The following CELF4 variants were observed in gnomAD, a reference collection of about 807,000 sequenced individuals.
CELF4 encodes the protein CUG-BP- and ETR-3-like factor 4.
A neutral mutation model predicts 59.9 loss-of-function variants in CELF4; 18 were observed. That is an observed-to-expected ratio of 0.30 (90% CI 0.21 to 0.45). CELF4 has a LOEUF of 0.45. Ranked by LOEUF, CELF4 falls within the 20% of genes least tolerant of loss-of-function variation. CELF4 has a pLI of 1.00. For missense variants in CELF4, 456 were observed against 689.0 expected (o/e 0.66, Z 3.79); for synonymous variants, 261 against 267.1 (o/e 0.98, Z 0.22).
intron 3 of CELF4, among the ~76,000 whole-genome samples, chr18:37,296,938 C>T (rs554294719): frequency 6.6e-6 from 1 of 152,280 alleles, no homozygotes; most frequent in South Asian, 2.1e-4. Flanking sequence ...CTTTTCCCAC[C>T]CAGAGGCCTT....
At chr18:37,535,892 T>C (rs117849219) in intron 1 of CELF4, among the ~76,000 whole-genome samples, 2,302 of 152,318 alleles carry the variant, frequency 0.015, 35 homozygotes, top group Non-Finnish European at 0.018. Flanking sequence ...TTTGGGTTCC[T>C]CTAGTCTCGA....
chr18:37,548,876 G>C (rs1006541412), intron 1 of CELF4, among the ~76,000 whole-genome samples: 1 of 152,230 alleles, frequency 6.6e-6, no homozygotes, highest in Non-Finnish European at 1.5e-5. Flanking sequence ...GCAGCAGGCA[G>C]TGTCCAAGGC....
intron 2 of CELF4, among the ~76,000 whole-genome samples, chr18:37,437,003 G>A (rs2099694793): frequency 6.6e-6 from 1 of 152,166 alleles, no homozygotes; most frequent in African/African-American, 2.4e-5. Flanking sequence ...AATGGGGGGA[G>A]CACAGGATAG....
At chr18:37,357,548 A>AG (rs1384990337) in intron 2 of CELF4, among the ~76,000 whole-genome samples, 1 of 152,180 alleles carries the variant, frequency 6.6e-6, no homozygotes, top group East Asian at 1.9e-4. Context: ...GTGGAGTCGG[A>AG]GCCTCCACAG....
At chr18:37,497,755 G>C (rs574655249) in intron 1 of CELF4, among the ~76,000 whole-genome samples, 21 of 152,206 alleles carry the variant, frequency 1.4e-4, no homozygotes, top group Non-Finnish European at 2.5e-4. Flanking sequence ...GTTTGTGCAG[G>C]GCCTATTGGT....
chr18:37,315,420 C>T (rs974774326), intron 3 of CELF4, among the ~76,000 whole-genome samples: 12 of 152,190 alleles, frequency 7.9e-5, no homozygotes, highest in African/African-American at 2.9e-4. Context: ...TTCTCCCCAG[C>T]CAGCCACCTT....
intron 2 of CELF4, among the ~76,000 whole-genome samples, chr18:37,386,167 G>C (rs917501361): frequency 6.6e-6 from 1 of 152,080 alleles, no homozygotes; most frequent in Non-Finnish European, 1.5e-5. Context: ...CACATACCCC[G>C]CTGTCCCCCT....
chr18:37,273,000 G>T lies in CELF4; in HGVS notation c.949+16C>A. On this transcript the variant is annotated intron_variant, in intron 7 of 12. Transcript: ENST00000420428. Reference sequence around the variant, plus strand: ...TCCCACCGGGCCAGACCGCGTGTTGGCACCTGCCAGCTCACCTGAGGTTGG... The same window carrying T: ...TCCCACCGGGCCAGACCGCGTGTTGTCACCTGCCAGCTCACCTGAGGTTGG... The T allele has an allele frequency of 6.3e-7, 1 of 1,597,886 alleles. No homozygotes were observed. Among genetic ancestry groups the T allele is most frequent in the Non-Finnish European group, 8.6e-7 (1 of 1,169,106 alleles).
At chr18:37,285,196 C>A (rs1023006673) in intron 3 of CELF4, among the ~76,000 whole-genome samples, 1 of 152,236 alleles carries the variant, frequency 6.6e-6, no homozygotes, top group Non-Finnish European at 1.5e-5. Flanking sequence ...AGTCCCTCCC[C>A]AGTCCTGCCC....
At chr18:37,394,130 GA>G (rs1158044844) in intron 2 of CELF4, among the ~76,000 whole-genome samples, 2 of 152,130 alleles carry the variant, frequency 1.3e-5, no homozygotes, top group African/African-American at 4.8e-5. Flanking sequence ...GGACCGGCCC[GA>G]CGGGGGCGGG....
chr18:37,479,045 G>T (rs916257070), intron 2 of CELF4, among the ~76,000 whole-genome samples: 1 of 152,234 alleles, frequency 6.6e-6, no homozygotes, highest in Non-Finnish European at 1.5e-5. Context: ...GGAGAGAGTT[G>T]AGCTGGAGTC....
At chr18:37,556,116 G>A (rs536634396) in intron 1 of CELF4, among the ~76,000 whole-genome samples, 14 of 152,264 alleles carry the variant, frequency 9.2e-5, no homozygotes, top group South Asian at 2.1e-4. Context: ...TCTTGTCTCC[G>A]AGGACTTGCG....
chr18:37,278,843 G>A (rs112637118), intron 3 of CELF4, among the ~76,000 whole-genome samples: 39 of 152,280 alleles, frequency 2.6e-4, no homozygotes, highest in African/African-American at 9.4e-4. Flanking sequence ...GCTGTGGCTG[G>A]CCAGCTGAGA....
intron 3 of CELF4, among the ~76,000 whole-genome samples, chr18:37,279,660 A>G (rs933508996): frequency 4.6e-5 from 7 of 152,204 alleles, no homozygotes; most frequent in African/African-American, 1.7e-4. Flanking sequence ...GTGGAGAGAC[A>G]GGCCATCCAC....
At chr18:37,290,392 A>T (rs941479684) in intron 3 of CELF4, among the ~76,000 whole-genome samples, 11 of 152,224 alleles carry the variant, frequency 7.2e-5, no homozygotes, top group African/African-American at 2.7e-4. Context: ...GCTGAATTCA[A>T]GGTGGAGTTT....
intron 1 of CELF4, among the ~76,000 whole-genome samples, chr18:37,532,929 G>T (rs1379069833): frequency 6.6e-6 from 1 of 152,168 alleles, no homozygotes; most frequent in African/African-American, 2.4e-5. Context: ...CTGGAAAGAG[G>T]GGTGCTGGAC....
At chr18:37,452,972 G>A (rs981067273) in intron 2 of CELF4, among the ~76,000 whole-genome samples, 6 of 152,066 alleles carry the variant, frequency 3.9e-5, no homozygotes, top group African/African-American at 7.2e-5. Flanking sequence ...CCTCCAGCCC[G>A]CAGAAAAATG....
intron 2 of CELF4, among the ~76,000 whole-genome samples, chr18:37,339,381 T>C (rs2097906789): frequency 6.6e-6 from 1 of 152,180 alleles, no homozygotes; most frequent in Admixed American, 6.5e-5. Flanking sequence ...AGCTCGGCTA[T>C]GTGGGTCCAT....
In CELF4 at chr18:37,523,562, C is replaced by T. The variant is rs1231724146; in HGVS notation, c.287-37955G>A. 3.3e-5 allele frequency among the ~76,000 whole-genome samples: 5 copies of T among 152,284 alleles called. No homozygotes were observed. The South Asian group carries it at 1.0e-3, about 32-fold the overall frequency. Reference sequence around the variant, plus strand: ...TGCTGGGAGAACAGGCGGCAAAACTCGGGCCCATGCTTGCCTCTGGGAAAT... The same window carrying T: ...TGCTGGGAGAACAGGCGGCAAAACTTGGGCCCATGCTTGCCTCTGGGAAAT... On this transcript the variant is annotated intron_variant, in intron 1 of 12. Transcript: ENST00000420428.
Sources: gnomAD v4.1 joint callset for allele counts (sites outside exome capture counted in the v4.1 genomes callset) on GRCh38, gnomAD v4.1.1 for gene constraint, MANE v1.5 for transcripts, NCBI Gene and HGNC (gene_info 2026-07-23, HGNC 2026-07-21) for gene names.